Variants in DLC1 observed in about 807,000 individuals in gnomAD.
The protein encoded by DLC1 is DLC1 Rho GTPase activating protein, also known as rho GTPase-activating protein 7.
DLC1 carries 54 observed loss-of-function variants against 140.3 expected under a neutral mutation model. That is an observed-to-expected ratio of 0.38 (90% confidence interval 0.31 to 0.48). DLC1 has a LOEUF of 0.48. Among genes scored for constraint, DLC1 ranks in the 20% least tolerant of loss-of-function variants. The pLI, the probability that DLC1 is intolerant of heterozygous loss-of-function variation, is 0.96. For missense variants in DLC1, 2,536 were observed against 1,907.0 expected, an observed-to-expected ratio of 1.33 and a Z score of -6.14; for synonymous variants, 986 against 728.1, an observed-to-expected ratio of 1.35 and a Z score of -5.70.
chr8:13,578,862 G>A (rs1396310047), intron 1 of DLC1, among the ~76,000 whole-genome samples: 2 of 151,940 alleles, frequency 1.3e-5, no homozygotes, highest in Non-Finnish European at 2.9e-5. Flanking sequence ...ACTTCATCAC[G>A]TAGGCATGAT....
intron 1 of DLC1, among the ~76,000 whole-genome samples, chr8:13,549,435 T>C (rs758685867): frequency 6.6e-5 from 10 of 152,138 alleles, no homozygotes; most frequent in Non-Finnish European, 1.5e-5. Context: ...CTAGATAAGG[T>C]AAGCAAATTT....
chr8:13,164,673 A>C (rs1484311761), intron 5 of DLC1, among the ~76,000 whole-genome samples: 1 of 152,194 alleles, frequency 6.6e-6, no homozygotes. Context: ...TAGCCAGTGC[A>C]GACATTGATA....
chr8:13,534,618 C>T (rs1028327914), intron 1 of DLC1, among the ~76,000 whole-genome samples: 1 of 152,100 alleles, frequency 6.6e-6, no homozygotes, highest in Non-Finnish European at 1.5e-5. Flanking sequence ...AGGTACTGAT[C>T]TCTAGGAAAA....
At chr8:13,513,048 C>A (rs1027665138) in intron 1 of DLC1, among the ~76,000 whole-genome samples, 1 of 148,976 alleles carries the variant, frequency 6.7e-6, no homozygotes, top group Non-Finnish European at 1.5e-5. Context: ...GTTCATACTT[C>A]ATTATGCATA....
intron 4 of DLC1, among the ~76,000 whole-genome samples, chr8:13,361,047 A>T (rs745321005): frequency 6.6e-5 from 10 of 152,052 alleles, no homozygotes; most frequent in Non-Finnish European, 1.2e-4. Context: ...CTTGGGCAAC[A>T]TGGCGAAACC....
intron 5 of DLC1, among the ~76,000 whole-genome samples, chr8:13,233,436 A>T (rs1424750649): frequency 1.3e-5 from 2 of 150,794 alleles, no homozygotes; most frequent in East Asian, 3.9e-4. Flanking sequence ...TCTTATTTTT[A>T]TATGGAAGAG....
At chr8:13,504,170 A>G (rs1017979194) in intron 1 of DLC1, among the ~76,000 whole-genome samples, 2 of 138,746 alleles carry the variant, frequency 1.4e-5, no homozygotes, top group African/African-American at 5.5e-5. Flanking sequence ...CTTGTTGCCC[A>G]GGCTGGAGTG....
intron 2 of DLC1, among the ~76,000 whole-genome samples, chr8:13,491,581 T>C (rs1009022364): frequency 6.6e-6 from 1 of 152,232 alleles, no homozygotes; most frequent in Non-Finnish European, 1.5e-5. Context: ...ACTAAGTATC[T>C]TCGGGATAAC....
chr8:13,274,782 T>C (rs1364841107), intron 5 of DLC1, among the ~76,000 whole-genome samples: 2 of 150,098 alleles, frequency 1.3e-5, no homozygotes, highest in African/African-American at 2.4e-5. Flanking sequence ...CACAACAAGA[T>C]ATTTTTGCAT....
intron 5 of DLC1, among the ~76,000 whole-genome samples, chr8:13,172,288 T>C (rs1825528687): frequency 6.6e-6 from 1 of 152,182 alleles, no homozygotes; most frequent in African/African-American, 2.4e-5. Flanking sequence ...TGTGGCCAGC[T>C]GGAGCCTCAA....
chr8:13,112,754 C>T (rs1820225012), intron 6 of DLC1, among the ~76,000 whole-genome samples: 1 of 152,106 alleles, frequency 6.6e-6, no homozygotes, highest in Admixed American at 6.6e-5. Context: ...ACTACGTTGG[C>T]CAGGTTGGCC....
chr8:13,101,553 G>T (rs1819092500), intron 8 of DLC1, among the ~76,000 whole-genome samples: 2 of 152,090 alleles, frequency 1.3e-5, no homozygotes, highest in African/African-American at 4.8e-5. Flanking sequence ...AATGTATAAG[G>T]TCTCCCACTG....
chr8:13,359,632 C>T lies in DLC1; in HGVS notation c.1314+33921G>A, dbSNP rs6989122. The stretch of plus-strand genomic sequence containing the variant: ...ACAACAGCAATCATAAGGGTAGTTT[C>T]ATGACATCCAAGAATGCTTCCAGTT... On this transcript the variant is annotated intron_variant, in intron 4 of 17. Transcript: ENST00000276297. Among the ~76,000 whole-genome samples, 483 of 152,286 alleles carry T rather than the reference C, an allele frequency of 3.2e-3. 2 individuals are homozygous for T. Among genetic ancestry groups the T allele is most frequent in the African/African-American group, 0.011 (470 of 41,554 alleles).
rs1285077159 is a variant in DLC1 at position 13,165,515 on chromosome 8, T to G, written c.1349-49858A>C. ...AACAGTCACCTCATGGTCCGTACTTTCACGCTCTGTTCCATCTCTAACACA... is the reference window on the plus strand; with the variant it reads ...AACAGTCACCTCATGGTCCGTACTTGCACGCTCTGTTCCATCTCTAACACA... On this transcript the variant is annotated intron_variant, in intron 5 of 17. Coordinates refer to ENST00000276297, the MANE Select transcript of DLC1 (RefSeq NM_182643.3). Among the ~76,000 whole-genome samples the G allele has an allele frequency of 3.9e-5, 6 of 152,364 alleles. No homozygotes were observed. In the East Asian group the frequency reaches 7.7e-4, roughly 20 times the overall value.
chr8:13,457,533 C>T (rs966301797), intron 2 of DLC1, among the ~76,000 whole-genome samples: 4 of 151,734 alleles, frequency 2.6e-5, no homozygotes, highest in East Asian at 1.9e-4. Context: ...AAAAATTAGC[C>T]GGGTGTGGTG....
At chr8:13,168,923 C>A (rs1825280214) in intron 5 of DLC1, among the ~76,000 whole-genome samples, 1 of 152,264 alleles carries the variant, frequency 6.6e-6, no homozygotes, top group East Asian at 1.9e-4. Flanking sequence ...GACCGTTGGA[C>A]AGAAGAGTCT....
chr8:13,233,081 G>A (rs971328418), intron 5 of DLC1, among the ~76,000 whole-genome samples: 1 of 152,016 alleles, frequency 6.6e-6, no homozygotes, highest in African/African-American at 2.4e-5. Flanking sequence ...TATCACTTGA[G>A]GCCAGTAGTT....
intron 5 of DLC1, chr8:13,276,436 G>A: frequency 7.0e-7 from 1 of 1,427,488 alleles, no homozygotes; most frequent in Non-Finnish European, 9.1e-7. Flanking sequence ...CCCGGGCGCC[G>A]CGACCATGCC....
intron 1 of DLC1, among the ~76,000 whole-genome samples, chr8:13,521,140 C>G (rs1486461218): frequency 6.6e-6 from 1 of 152,062 alleles, no homozygotes; most frequent in Non-Finnish European, 1.5e-5. Context: ...CCTCAGCAAA[C>G]TAACACAGAA....
Sources: allele counts gnomAD v4.1 joint callset (sites outside exome capture counted in the v4.1 genomes callset), GRCh38; gene constraint gnomAD v4.1.1; transcripts MANE v1.5; gene names NCBI Gene and HGNC (gene_info 2026-07-23, HGNC 2026-07-21).